Variants in KLHL31 observed in about 807,000 individuals in gnomAD.
KLHL31 encodes kelch-like protein 31.
In KLHL31, 32 loss-of-function variants were observed where a neutral mutation model predicts 47.1. The ratio of observed to expected loss-of-function variants is 0.68; its 90% CI spans 0.51 to 0.91. The LOEUF (loss-of-function observed/expected upper bound fraction) is 0.91. Ranked by LOEUF, KLHL31 falls within the 40% of genes least tolerant of loss-of-function variation. The pLI is 0.00. For missense variants in KLHL31, 797 were observed against 819.3 expected (o/e 0.97, Z 0.33); for synonymous variants, 330 against 325.1 (o/e 1.01, Z -0.16).
Position 53,654,210 on chromosome 6 carries a change from T to G in KLHL31, c.1063A>C (p.Ser355Arg). The G allele has an allele frequency of 6.2e-7, 1 of 1,614,190 alleles. No individual in the cohort carries two copies. Among genetic ancestry groups the G allele is most frequent in the Non-Finnish European group, 8.5e-7 (1 of 1,180,020 alleles). Residue 355 changes from serine to arginine, a missense_variant, in exon 2 of 3, where the codon AGT (serine) becomes CGT (arginine). Transcript: ENST00000370905. Reference protein sequence around the residue: ...WSKLTEMPAKSFNQCVAVMDG... With the variant: ...WSKLTEMPAKRFNQCVAVMDG... ...ATCACAGCCACACACTGATTAAAAC[T>G]TTTGGCTGGCATTTCCGTAAGCTTG...
At chr6:53,659,059 A>T (rs972156565) in intron 1 of KLHL31, among the ~76,000 whole-genome samples, 2 of 152,218 alleles carry the variant, frequency 1.3e-5, no homozygotes, top group African/African-American at 4.8e-5. Flanking sequence ...TATTCAAAAA[A>T]ATTTGAACCA....
rs750360650 is a variant in KLHL31, at chr6:53,654,511, A to AAGATCTGC, written c.754_761dup (p.Leu255GlnfsTer4). On this transcript the variant is annotated frameshift_variant, in exon 2 of 3. Transcript: ENST00000370905. LOFTEE classifies it high-confidence loss of function. Reference sequence around the variant, plus strand: ...TGGTACCAAAGCGAATATTGCTCAAAAGATCTGCAGCGTATTTTACTCTCT... The same window carrying AAGATCTGC: ...TGGTACCAAAGCGAATATTGCTCAAAAGATCTGCAGATCTGCAGCGTATTTTACTCTCT... 6.2e-7 allele frequency: 1 copy of AAGATCTGC among 1,614,224 alleles called. No individual in the cohort carries two copies. Among genetic ancestry groups the AAGATCTGC allele is most frequent in the South Asian group, 1.1e-5 (1 of 91,086 alleles).
At chr6:53,659,023 T>C (rs1332543251) in intron 1 of KLHL31, among the ~76,000 whole-genome samples, 2 of 152,220 alleles carry the variant, frequency 1.3e-5, no homozygotes, top group Non-Finnish European at 2.9e-5. Flanking sequence ...TAACAGCATT[T>C]TGCAGAGCAC....
Position 53,651,921 on chromosome 6 carries a change from C to T in KLHL31, c.1582G>A (p.Glu528Lys), listed in dbSNP as rs2127367539. The T allele has an allele frequency of 6.3e-7, 1 of 1,588,482 alleles. No individual in the cohort carries two copies. The highest frequency in any genetic ancestry group is 8.5e-7 in the Non-Finnish European group (1 of 1,173,808). ...MGGSQLGPRG[E>K]RVDVLTVECY... is the part of the protein sequence containing the mutation. ...TCCACGGTGAGCACGTCCACGCGCT[C>T]CCCGCGCGGCCCCAGCTGGCTGCCG... The change falls in exon 3 of 3, where the codon GAG (glutamate) becomes AAG (lysine). Residue 528 changes from glutamate (E) to lysine (K), a missense_variant. Physicochemically the swap from Glu to Lys is moderately conservative, Grantham distance 56. Transcript: ENST00000370905.
In KLHL31 at chr6:53,651,157, T is replaced by G. The variant is rs1157995601; in HGVS notation, c.*441A>C. 2 of 153,018 alleles carry G rather than the reference T, an allele frequency of 1.3e-5. No individual in the cohort carries two copies. The highest frequency in any genetic ancestry group is 4.8e-5 in the African/African-American group (2 of 41,438). The allele number at this position is 153,018 out of a possible 1,614,324, so 9.5% of individuals were successfully genotyped here. A position where few individuals can be genotyped will look rare whatever the true frequency, so the allele number is the denominator to read the frequency against. ...CATTTTTAAATAAATAAAATCTATA[T>G]GAATATCTTCAACTTCCTAAAGAAA... On this transcript the variant is annotated 3_prime_UTR_variant, in exon 3 of 3. Coordinates refer to ENST00000370905, the MANE Select transcript of KLHL31 (RefSeq NM_001003760.5).
In KLHL31 at chr6:53,650,015, T is replaced by C. The variant is rs1764442901; in HGVS notation, c.*1583A>G. 1 of 152,218 alleles carries C rather than the reference T, an allele frequency of 6.6e-6. No individual in the cohort carries two copies. The highest frequency in any genetic ancestry group is 1.5e-5 in the Non-Finnish European group (1 of 68,026). 9.4% of individuals were successfully genotyped at this position (152,218 alleles called of 1,614,324 possible). On this transcript the variant is annotated 3_prime_UTR_variant, in exon 3 of 3. Coordinates refer to ENST00000370905, the MANE Select transcript of KLHL31 (RefSeq NM_001003760.5). ...TAAAATTGTTCCACAAAGTGTACTA[T>C]ATGAACCACTTTTCACAGTTCAAAT...
Position 53,652,204 on chromosome 6 carries a change from C to G in KLHL31, c.1299G>C (p.Leu433=). Residue 433 remains leucine (L), a synonymous_variant, in exon 3 of 3, where the codon CTG becomes CTC. Coordinates refer to ENST00000370905, the MANE Select transcript of KLHL31 (RefSeq NM_001003760.5). ...AAGGRNAEGS[L]ASLECYVPST... is the part of the protein sequence containing the mutation. ...AGGGCACGTAGCACTCCAGCGAGGC[C>G]AGGCTTCCTTCTGCGTTGCGGCCGC... 1.2e-6 allele frequency: 2 copies of G among 1,612,944 alleles called. No individual in the cohort carries two copies. The highest frequency in any genetic ancestry group is 2.2e-5 in the South Asian group (2 of 91,074).
Position 53,659,128 on chromosome 6 carries a change from T to A in KLHL31, c.-33-3823A>T, listed in dbSNP as rs185336529. 1.3e-4 allele frequency among the ~76,000 whole-genome samples: 20 copies of A among 152,272 alleles called. No individual in the cohort carries two copies. The East Asian group carries it at 3.3e-3, about 25-fold the overall frequency. On this transcript the variant is annotated intron_variant, in intron 1 of 2. Transcript: ENST00000370905. ...CTTTGGGAATAGAGAAAGGAGCCTG[T>A]TTAAGCTTTAGAATGAAGTGAATCA... is the stretch of plus-strand genomic sequence containing the variant.
chr6:53,654,862 C>T lies in KLHL31; in HGVS notation c.411G>A (p.Leu137=), dbSNP rs749566102. 4 of 1,614,134 alleles carry T rather than the reference C, an allele frequency of 2.5e-6. No homozygotes were observed. The Admixed American group carries it at 6.7e-5, about 27-fold the overall frequency. ...YAYTGKLTLS[L]YTIGSIISAA... ...CAGAAATAATGCTTCCTATTGTATA[C>T]AAGGAGAGAGTGAGCTTTCCAGTGT... Residue 137 remains leucine, a synonymous_variant, in exon 2 of 3, where the codon TTG becomes TTA. Coordinates refer to ENST00000370905, the MANE Select transcript of KLHL31 (RefSeq NM_001003760.5).
In KLHL31 at chr6:53,662,785, G is replaced by A. The variant is rs529332847; in HGVS notation, c.-34+2816C>T. On this transcript the variant is annotated intron_variant, in intron 1 of 2. Transcript: ENST00000370905. ...CTGATAAGCAGCTGGGCAGAATTAC[G>A]TAAATCATTACATTTTTCCTCATCT... is the stretch of plus-strand genomic sequence containing the variant. 2.3e-3 allele frequency among the ~76,000 whole-genome samples: 351 copies of A among 152,200 alleles called. 3 individuals carry two copies. The highest frequency in any genetic ancestry group is 8.1e-3 in the African/African-American group (337 of 41,516).
At chr6:53,661,812 G>A (rs1407767504) in intron 1 of KLHL31, among the ~76,000 whole-genome samples, 1 of 152,196 alleles carries the variant, frequency 6.6e-6, no homozygotes, top group African/African-American at 2.4e-5. Context: ...AAATGTGGCT[G>A]TGAGGAAGAG....
At position 53,651,837 on chromosome 6, in the gene KLHL31, T is replaced by C. The variant is rs1342436067; in HGVS notation, c.1666A>G (p.Ser556Gly). 6.2e-7 allele frequency: 1 copy of C among 1,609,024 alleles called. No individual in the cohort carries two copies. Among genetic ancestry groups the C allele is most frequent in the East Asian group, 2.2e-5 (1 of 44,862 alleles). ...TGCAGCGCCGAGACGCCCGCAGTGC[T>C]CACTCCCACCTGCAGCGGCGCCGCG... ...SYAAPLQVGV[S>G]TAGVSALHGR... The change falls in exon 3 of 3, where the codon AGC (serine) becomes GGC (glycine). Residue 556 changes from serine (S) to glycine (G), a missense_variant. Ser to Gly is a moderately conservative substitution (Grantham distance 56). Transcript: ENST00000370905.
At chr6:53,659,178 AAC>A (rs1412938158) in intron 1 of KLHL31, among the ~76,000 whole-genome samples, 1 of 152,256 alleles carries the variant, frequency 6.6e-6, no homozygotes, top group East Asian at 1.9e-4. Flanking sequence ...ATCATGGACA[AAC>A]AGTCATGAGG....
intron 2 of KLHL31, 93 bp downstream of exon 2, chr6:53,654,008 A>T: frequency 9.4e-7 from 1 of 1,065,056 alleles, no homozygotes. Context: ...AAGCCAATGG[A>T]CTAAGTTAAT....
rs1764485377 is a variant in KLHL31 at position 53,652,212 on chromosome 6, C to T, written c.1291G>A (p.Gly431Arg). 15 of 1,613,250 alleles carry T rather than the reference C, an allele frequency of 9.3e-6. No homozygotes were observed. The highest frequency in any genetic ancestry group is 1.3e-5 in the Non-Finnish European group (15 of 1,180,050). ...VYAAGGRNAEGSLASLECYVP... is the reference protein window; with the variant it reads ...VYAAGGRNAERSLASLECYVP... The stretch of plus-strand genomic sequence containing the variant: ...TAGCACTCCAGCGAGGCCAGGCTTC[C>T]TTCTGCGTTGCGGCCGCCCGCGGCG... Residue 431 changes from glycine to arginine, a missense_variant, in exon 3 of 3, where the codon GGA (glycine) becomes AGA (arginine). By Grantham distance (125) the Gly-to-Arg change is moderately radical. Coordinates refer to ENST00000370905, the MANE Select transcript of KLHL31 (RefSeq NM_001003760.5).
intron 1 of KLHL31, 72 bp from the exon 2 acceptor site, chr6:53,655,377 A>C: frequency 1.5e-6 from 1 of 677,706 alleles, no homozygotes; most frequent in Non-Finnish European, 2.3e-6. Flanking sequence ...ACATTGAGAA[A>C]CTTTTTCAAA....
At position 53,652,143 on chromosome 6, in the gene KLHL31, C is replaced by A. The variant is rs755130293; in HGVS notation, c.1360G>T (p.Val454Leu). 5.0e-6 allele frequency: 8 copies of A among 1,603,890 alleles called. No individual in the cohort carries two copies. The highest frequency in any genetic ancestry group is 6.8e-6 in the Non-Finnish European group (8 of 1,178,638). Residue 454 changes from valine to leucine, a missense_variant, in exon 3 of 3, where the codon GTG (valine) becomes TTG (leucine). Val to Leu is a conservative substitution (Grantham distance 32). Transcript: ENST00000370905. Reference protein sequence around the residue: ...NQWQPKTPLEVARCCHASAVA... With the variant: ...NQWQPKTPLELARCCHASAVA... ...GCGCTAGCGTGGCAGCAGCGCGCCA[C>A]CTCCAGGGGCGTCTTCGGCTGCCAC... is the stretch of plus-strand genomic sequence containing the variant.
At chr6:53,662,486 C>A (rs1764661443) in intron 1 of KLHL31, among the ~76,000 whole-genome samples, 1 of 152,186 alleles carries the variant, frequency 6.6e-6, no homozygotes, top group Non-Finnish European at 1.5e-5. Context: ...GCACAGGATG[C>A]AGAGGGTTGT....
chr6:53,658,564 T>C (rs1479739968), intron 1 of KLHL31, among the ~76,000 whole-genome samples: 3 of 152,062 alleles, frequency 2.0e-5, no homozygotes, highest in African/African-American at 4.8e-5. Context: ...TACTAGATAA[T>C]AGACCGAGGA....
Sources: allele counts gnomAD v4.1 joint callset (sites outside exome capture counted in the v4.1 genomes callset), GRCh38; gene constraint gnomAD v4.1.1; transcripts MANE v1.5; gene names NCBI Gene and HGNC (gene_info 2026-07-23, HGNC 2026-07-21).